FGGY: variants seen among roughly 807,000 people sequenced by gnomAD.
The protein encoded by FGGY is FGGY carbohydrate kinase domain containing.
Under a neutral mutation model 71.3 loss-of-function variants are expected in FGGY, and 72 were observed. The observed-to-expected ratio is 1.01, with a 90% CI of 0.84 to 1.23. The LOEUF (loss-of-function observed/expected upper bound fraction) is 1.23. FGGY is among the 50% of genes most tolerant of loss of function. The probability of loss-of-function intolerance (pLI) is 0.00; values close to 1 mark genes in which losing one functional copy is unlikely to be tolerated. For missense variants in FGGY, 668 were observed against 682.3 expected (o/e 0.98, Z 0.23); for synonymous variants, 251 against 250.3 (o/e 1.00, Z -0.02).
At position 59,341,979 on chromosome 1, in the gene FGGY, G is replaced by A. The variant is rs74085964; in HGVS notation, c.313+1910G>A. ...CAATTGGCACGAGTGGGGTGGTGTT[G>A]GGGGCAGAGTTAGAGGGAACTTGGT... On this transcript the variant is annotated intron_variant, in intron 3 of 15. Transcript: ENST00000303721. Among the ~76,000 whole-genome samples, 416 of 152,248 alleles carry A rather than the reference G, an allele frequency of 2.7e-3. 1 individual carries two copies. The highest frequency in any genetic ancestry group is 9.7e-3 in the African/African-American group (403 of 41,554).
chr1:59,367,165 T>A (rs2056733281), intron 4 of FGGY, among the ~76,000 whole-genome samples: 1 of 152,238 alleles, frequency 6.6e-6, no homozygotes, highest in Admixed American at 6.5e-5. Context: ...AGTGCAGACC[T>A]CTCAGCTTAT....
At chr1:59,394,587 A>G (rs977286043) in intron 5 of FGGY, among the ~76,000 whole-genome samples, 2 of 152,174 alleles carry the variant, frequency 1.3e-5, no homozygotes, top group South Asian at 2.1e-4. Context: ...AACATTAGCT[A>G]TTCCTGCTGC....
At chr1:59,489,489 G>A (rs1002757296) in intron 6 of FGGY, among the ~76,000 whole-genome samples, 3 of 152,056 alleles carry the variant, frequency 2.0e-5, no homozygotes, top group African/African-American at 4.8e-5. Flanking sequence ...TGTTCTTGGC[G>A]TATTTCACTT....
At chr1:59,700,908 G>A (rs2097704044) in intron 14 of FGGY, among the ~76,000 whole-genome samples, 1 of 152,148 alleles carries the variant, frequency 6.6e-6, no homozygotes, top group South Asian at 2.1e-4. Flanking sequence ...AAGTGCAAAG[G>A]CCCTGGAGTG....
At chr1:59,339,637 G>A (rs113144855) in intron 2 of FGGY, among the ~76,000 whole-genome samples, 11 of 151,834 alleles carry the variant, frequency 7.2e-5, no homozygotes, top group African/African-American at 1.4e-4. Context: ...GCTAATTTTC[G>A]TATTTTTAGT....
chr1:59,670,779 C>A (rs2097370663), intron 13 of FGGY, among the ~76,000 whole-genome samples: 1 of 152,138 alleles, frequency 6.6e-6, no homozygotes. Context: ...ACAGCCTGCT[C>A]TGTACAAGCA....
intron 14 of FGGY, among the ~76,000 whole-genome samples, chr1:59,684,171 C>T (rs2097527003): frequency 1.3e-5 from 2 of 152,220 alleles, no homozygotes; most frequent in African/African-American, 4.8e-5. Flanking sequence ...TCCCAGTCTA[C>T]TGGTGGCGGG....
chr1:59,362,876 C>G (rs1318113535), intron 4 of FGGY, among the ~76,000 whole-genome samples: 1 of 152,194 alleles, frequency 6.6e-6, no homozygotes, highest in Admixed American at 6.5e-5. Context: ...TGCCTTTCAT[C>G]TTCTATGAGC....
intron 7 of FGGY, among the ~76,000 whole-genome samples, chr1:59,516,328 G>A (rs1203452030): frequency 6.6e-6 from 1 of 152,122 alleles, no homozygotes; most frequent in East Asian, 1.9e-4. Flanking sequence ...TCAGTGATTG[G>A]TCTAGGCACT....
chr1:59,651,180 C>G (rs1360097172), intron 11 of FGGY, among the ~76,000 whole-genome samples: 2 of 151,862 alleles, frequency 1.3e-5, no homozygotes, highest in Non-Finnish European at 2.9e-5. Context: ...ACTATGTGGT[C>G]AATTTTGGAA....
At chr1:59,356,627 G>A (rs888830406) in intron 4 of FGGY, among the ~76,000 whole-genome samples, 8 of 152,102 alleles carry the variant, frequency 5.3e-5, no homozygotes, top group East Asian at 1.9e-4. Flanking sequence ...ATGAATGAGC[G>A]GATGAACTTA....
At chr1:59,555,079 A>G (rs2095663837) in intron 8 of FGGY, among the ~76,000 whole-genome samples, 1 of 152,202 alleles carries the variant, frequency 6.6e-6, no homozygotes, top group Non-Finnish European at 1.5e-5. Context: ...TTTTACCATC[A>G]GATATTCTAG....
intron 5 of FGGY, among the ~76,000 whole-genome samples, chr1:59,379,162 A>AACACACACACACACACACACAC (rs55986439): frequency 0.012 from 1,730 of 143,032 alleles, 15 homozygotes; most frequent in Middle Eastern, 0.024. Flanking sequence ...GGAAAAAATA[A>AACACACACACACACACACACAC]ACACACACAC....
At chr1:59,581,995 A>T (rs1037291089) in intron 8 of FGGY, among the ~76,000 whole-genome samples, 1 of 149,966 alleles carries the variant, frequency 6.7e-6, no homozygotes. Context: ...AGCTTTAAAG[A>T]TCATTCAGCC....
intron 5 of FGGY, among the ~76,000 whole-genome samples, chr1:59,454,072 G>C (rs1460774689): frequency 6.6e-6 from 1 of 152,126 alleles, no homozygotes; most frequent in East Asian, 1.9e-4. Flanking sequence ...TTTCACAGAG[G>C]AGCTGACATT....
intron 14 of FGGY, among the ~76,000 whole-genome samples, chr1:59,701,543 A>G (rs2097709816): frequency 6.6e-6 from 1 of 152,190 alleles, no homozygotes; most frequent in Non-Finnish European, 1.5e-5. Context: ...CCTGCTCTCA[A>G]GTTTCCAACA....
chr1:59,439,888 G>T (rs906695204), intron 5 of FGGY, among the ~76,000 whole-genome samples: 1 of 151,962 alleles, frequency 6.6e-6, no homozygotes. Flanking sequence ...GTAAGTGATC[G>T]TTGATTTTAG....
Position 59,537,270 on chromosome 1 carries a change from G to T in FGGY, c.800-16854G>T, listed in dbSNP as rs370608261. Among the ~76,000 whole-genome samples the T allele has an allele frequency of 5.3e-5, 8 of 151,726 alleles. No individual in the cohort carries two copies. In the South Asian group the frequency reaches 6.3e-4, roughly 12 times the overall value. ...CAATTGCTTCAAAGAGAATAAAATA[G>T]CTAGGAATCCAACTTACAAGGGATG... On this transcript the variant is annotated intron_variant, in intron 7 of 15. Transcript: ENST00000303721.
intron 8 of FGGY, among the ~76,000 whole-genome samples, chr1:59,592,957 A>G (rs1382645960): frequency 1.3e-5 from 2 of 150,740 alleles, no homozygotes; most frequent in Non-Finnish European, 2.9e-5. Flanking sequence ...AAGAAAAAGT[A>G]AAAATAAAAA....
Sources: gnomAD v4.1 joint callset for allele counts (sites outside exome capture counted in the v4.1 genomes callset) on GRCh38, gnomAD v4.1.1 for gene constraint, MANE v1.5 for transcripts, NCBI Gene and HGNC (gene_info 2026-07-23, HGNC 2026-07-21) for gene names.